The following SLC25A21 variants were observed in gnomAD, a reference collection of about 807,000 sequenced individuals.
SLC25A21 encodes solute carrier family 25 member 21.
SLC25A21 carries 47 observed loss-of-function variants against 43.8 expected under a neutral mutation model. The ratio of observed to expected loss-of-function variants is 1.07; its 90% CI spans 0.85 to 1.37. SLC25A21 has a LOEUF of 1.37. SLC25A21 is among the 40% of genes most tolerant of loss of function. The probability of loss-of-function intolerance (pLI) is 0.00; values close to 1 mark genes in which losing one functional copy is unlikely to be tolerated. For missense variants in SLC25A21, 352 were observed against 350.2 expected (o/e 1.00, Z -0.04); for synonymous variants, 131 against 121.3 (o/e 1.08, Z -0.52).
intron 1 of SLC25A21, among the ~76,000 whole-genome samples, chr14:37,073,316 T>C (rs1464486926): frequency 6.6e-6 from 1 of 152,246 alleles, no homozygotes; most frequent in Non-Finnish European, 1.5e-5. Flanking sequence ...ATCCACTATA[T>C]AAGTAACTGA....
intron 1 of SLC25A21, among the ~76,000 whole-genome samples, chr14:37,142,670 C>T (rs1182840258): frequency 1.3e-5 from 2 of 152,132 alleles, no homozygotes; most frequent in African/African-American, 2.4e-5. Context: ...TTTAACGGGG[C>T]AAGTCATAGT....
At chr14:36,947,127 C>T (rs1892697055) in intron 1 of SLC25A21, among the ~76,000 whole-genome samples, 1 of 152,104 alleles carries the variant, frequency 6.6e-6, no homozygotes, top group Non-Finnish European at 1.5e-5. Context: ...TAATGAAATG[C>T]ATAAAGCAAT....
intron 1 of SLC25A21, among the ~76,000 whole-genome samples, chr14:36,888,170 G>C (rs1302951847): frequency 2.0e-5 from 3 of 152,166 alleles, no homozygotes; most frequent in East Asian, 1.9e-4. Flanking sequence ...CTGTTGCTTA[G>C]CCTACTAGGT....
At chr14:37,124,744 T>A (rs903417329) in intron 1 of SLC25A21, among the ~76,000 whole-genome samples, 16 of 152,094 alleles carry the variant, frequency 1.1e-4, no homozygotes, top group Admixed American at 1.0e-3. Flanking sequence ...TGGTGGGAGG[T>A]GACTGGATCT....
chr14:36,684,904 T>C lies in SLC25A21; in HGVS notation c.625A>G (p.Arg209Gly). Residue 209 changes from arginine (R) to glycine (G), a missense_variant, in exon 8 of 10, where the codon AGA becomes GGA. Transcript: ENST00000331299. ...GAGAGAAGACCAATCCCAAATTTTC[T>C]CCAAAACTCCAAGATTGGATCCTAA... ...VNKDPILEFW[R>G]KFGIGLLSGT... 1.2e-6 allele frequency: 2 copies of C among 1,609,442 alleles called. No homozygotes were observed. Among genetic ancestry groups the C allele is most frequent in the Non-Finnish European group, 1.7e-6 (2 of 1,178,818 alleles).
chr14:36,908,211 G>A (rs1891586726), intron 1 of SLC25A21, among the ~76,000 whole-genome samples: 3 of 152,142 alleles, frequency 2.0e-5, no homozygotes, highest in Admixed American at 2.0e-4. Context: ...GAACCCTAAT[G>A]TAAACTATGG....
chr14:36,917,110 T>G (rs368552419), intron 1 of SLC25A21, among the ~76,000 whole-genome samples: 1 of 152,216 alleles, frequency 6.6e-6, no homozygotes, highest in Non-Finnish European at 1.5e-5. Flanking sequence ...TTCTCTACTA[T>G]GGCTCTTTCT....
At chr14:36,822,664 T>C (rs1446901649) in intron 2 of SLC25A21, among the ~76,000 whole-genome samples, 1 of 152,234 alleles carries the variant, frequency 6.6e-6, no homozygotes, top group Non-Finnish European at 1.5e-5. Flanking sequence ...GAAAATCTTC[T>C]GTGCTATGTA....
At chr14:36,867,596 G>T (rs994761495) in intron 2 of SLC25A21, among the ~76,000 whole-genome samples, 1 of 152,078 alleles carries the variant, frequency 6.6e-6, no homozygotes, top group African/African-American at 2.4e-5. Flanking sequence ...ACCTTGCTGA[G>T]GAAGGATTTG....
At chr14:37,012,973 G>C (rs1960765276) in intron 1 of SLC25A21, among the ~76,000 whole-genome samples, 1 of 152,164 alleles carries the variant, frequency 6.6e-6, no homozygotes, top group South Asian at 2.1e-4. Context: ...GGAGAGCATG[G>C]TATCAGACTT....
chr14:36,698,136 T>C (rs1883120639), intron 7 of SLC25A21, among the ~76,000 whole-genome samples: 1 of 152,196 alleles, frequency 6.6e-6, no homozygotes, highest in Non-Finnish European at 1.5e-5. Flanking sequence ...TGGCATTTGC[T>C]TGTCTGTAAA....
intron 1 of SLC25A21, among the ~76,000 whole-genome samples, chr14:37,029,295 C>G (rs1961157827): frequency 6.6e-6 from 1 of 152,086 alleles, no homozygotes; most frequent in African/African-American, 2.4e-5. Context: ...GCACATGAAG[C>G]CAGTCTACAT....
intron 1 of SLC25A21, among the ~76,000 whole-genome samples, chr14:37,145,476 C>CACACACACACACACACACAGAGAG (rs780734735): frequency 7.0e-6 from 1 of 143,566 alleles, no homozygotes; most frequent in Non-Finnish European, 1.5e-5. Context: ...CACACACACA[C>CACACACACACACACACACAGAGAG]AGAGAGATGA....
chr14:36,815,410 G>A (rs111829845), intron 2 of SLC25A21, among the ~76,000 whole-genome samples: 24 of 152,104 alleles, frequency 1.6e-4, no homozygotes, highest in Non-Finnish European at 3.4e-4. Flanking sequence ...CTGGCAGGCA[G>A]GAGTCTGCAT....
intron 3 of SLC25A21, among the ~76,000 whole-genome samples, chr14:36,760,373 AAGGAAGGAAGGAAGGAAGGC>A (rs1444695372): frequency 1.3e-5 from 2 of 151,308 alleles, no homozygotes; most frequent in African/African-American, 4.9e-5. Flanking sequence ...GGAAGGAAGG[AAGGAAGGAAGGAAGGAAGGC>A]AGGCCTCATG....
intron 7 of SLC25A21, 45 bp downstream of exon 7, chr14:36,711,273 C>G (rs1227422255): frequency 6.4e-7 from 1 of 1,567,428 alleles, no homozygotes; most frequent in Admixed American, 1.7e-5. Flanking sequence ...GCTATCATCA[C>G]TGATAGGATT....
At position 36,736,111 on chromosome 14, in the gene SLC25A21, A is replaced by G. The variant is rs573108013; in HGVS notation, c.204-1538T>C. On this transcript the variant is annotated intron_variant, in intron 3 of 9. Transcript: ENST00000331299. ...CCACCACGCCCGGCTAATTTTTTAT[A>G]TTTTTAGTAGAGATGGGGTTTCACC... is the stretch of plus-strand genomic sequence containing the variant. 5.9e-5 allele frequency among the ~76,000 whole-genome samples: 9 copies of G among 151,354 alleles called. No individual in the cohort carries two copies. The South Asian group carries it at 1.9e-3, about 32-fold the overall frequency.
chr14:36,798,063 G>C (rs1054242373), intron 3 of SLC25A21, among the ~76,000 whole-genome samples: 1 of 152,158 alleles, frequency 6.6e-6, no homozygotes, highest in Non-Finnish European at 1.5e-5. Context: ...GGTTCATATA[G>C]TCGATGGTGA....
At chr14:36,773,136 A>C (rs1271927434) in intron 3 of SLC25A21, among the ~76,000 whole-genome samples, 4 of 152,182 alleles carry the variant, frequency 2.6e-5, no homozygotes, top group African/African-American at 9.7e-5. Context: ...TTTCAAAATA[A>C]ACTTAAAATA....
Sources: allele counts gnomAD v4.1 joint callset (sites outside exome capture counted in the v4.1 genomes callset), GRCh38; gene constraint gnomAD v4.1.1; transcripts MANE v1.5; gene names NCBI Gene and HGNC (gene_info 2026-07-23, HGNC 2026-07-21).